AGTPBP1: variants seen among roughly 807,000 people sequenced by gnomAD.
AGTPBP1 encodes the protein cytosolic carboxypeptidase 1.
AGTPBP1 carries 70 observed loss-of-function variants against 143.9 expected under a neutral mutation model. The observed-to-expected ratio is 0.49, with a 90% confidence interval of 0.40 to 0.59. AGTPBP1 has a LOEUF of 0.59. Among genes scored for constraint, AGTPBP1 ranks in the 20% least tolerant of loss-of-function variants. The pLI, the probability that AGTPBP1 is intolerant of heterozygous loss-of-function variation, is 0.00. For missense variants in AGTPBP1, 1,229 were observed against 1,464.5 expected, an observed-to-expected ratio of 0.84 and a Z score of 2.62; for synonymous variants, 463 against 500.2, an observed-to-expected ratio of 0.93 and a Z score of 0.99.
intron 2 of AGTPBP1, among the ~76,000 whole-genome samples, chr9:85,711,874 C>T (rs1233336764): frequency 6.6e-6 from 1 of 152,114 alleles, no homozygotes; most frequent in Non-Finnish European, 1.5e-5. Flanking sequence ...ATTAGCATGG[C>T]TGTGTTCCAA....
chr9:85,643,036 T>C lies in AGTPBP1; in HGVS notation c.1186-93A>G, dbSNP rs567048984. On this transcript the variant is annotated intron_variant, in intron 12 of 25. Coordinates refer to ENST00000357081, the MANE Select transcript of AGTPBP1 (RefSeq NM_001330701.2). ...GATTTAAAATGTTCCAAGTTATTAA[T>C]TACATGTAATTAAAGAATAATTACT... is the stretch of plus-strand genomic sequence containing the variant. The C allele has an allele frequency of 1.8e-4, 134 of 760,228 alleles. 3 individuals are homozygous for C. The South Asian group carries it at 2.2e-3, about 12-fold the overall frequency. The allele number at this position is 760,228 out of a possible 1,614,324, so 47.1% of individuals were successfully genotyped here.
chr9:85,738,841 T>C (rs370672470), intron 1 of AGTPBP1, among the ~76,000 whole-genome samples: 2 of 152,036 alleles, frequency 1.3e-5, no homozygotes, highest in East Asian at 3.9e-4. Context: ...TCTGCACTAA[T>C]ACTGCTCCAT....
At chr9:85,691,850 A>G (rs982554878) in intron 3 of AGTPBP1, among the ~76,000 whole-genome samples, 1 of 152,152 alleles carries the variant, frequency 6.6e-6, no homozygotes, top group Non-Finnish European at 1.5e-5. Flanking sequence ...TACTATTACC[A>G]TCACAAAATA....
chr9:85,779,502 T>G, the AGTPBP1 span, among the ~76,000 whole-genome samples: 1 of 151,966 alleles, frequency 6.6e-6, no homozygotes, highest in Non-Finnish European at 1.5e-5. Flanking sequence ...TCTGCCTGCT[T>G]TATATTCACT....
At chr9:85,577,230 T>C (rs759579314) in intron 24 of AGTPBP1, among the ~76,000 whole-genome samples, 2 of 152,220 alleles carry the variant, frequency 1.3e-5, no homozygotes, top group Admixed American at 6.5e-5. Context: ...CGACAGCTTC[T>C]TTCCCCACTG....
chr9:85,755,329 A>G, the AGTPBP1 span, among the ~76,000 whole-genome samples: 1 of 152,232 alleles, frequency 6.6e-6, no homozygotes, highest in Non-Finnish European at 1.5e-5. Context: ...TTCCTTTTAA[A>G]CAGTCATATT....
In AGTPBP1 at chr9:85,669,474, C is replaced by T. The variant is rs373682312; in HGVS notation, c.662+11G>A. 35 of 1,566,398 alleles carry T rather than the reference C, an allele frequency of 2.2e-5. No homozygotes were observed. The African/African-American group carries it at 4.6e-4, about 21-fold the overall frequency. ...GCTATACCTATGTTTACATTCAAAA[C>T]ATTTACTCACTTTATAAGACTGGAA... On this transcript the variant is annotated intron_variant, in intron 8 of 25. Coordinates refer to ENST00000357081, the MANE Select transcript of AGTPBP1 (RefSeq NM_001330701.2).
intron 17 of AGTPBP1, 34 bp from the exon 18 acceptor site, chr9:85,596,483 T>G: frequency 1.5e-6 from 2 of 1,359,560 alleles, no homozygotes; most frequent in African/African-American, 1.5e-5. Flanking sequence ...AGAAAATTAT[T>G]TTCATAATTT....
chr9:85,685,954 T>C (rs1409682619), intron 3 of AGTPBP1, among the ~76,000 whole-genome samples: 1 of 151,414 alleles, frequency 6.6e-6, no homozygotes, highest in Non-Finnish European at 1.5e-5. Flanking sequence ...TTCTTAAAAA[T>C]GAAAAGAGGT....
chr9:85,555,945 T>C (rs892341206), intron 25 of AGTPBP1, among the ~76,000 whole-genome samples: 14 of 152,098 alleles, frequency 9.2e-5, no homozygotes, highest in Admixed American at 9.2e-4. Flanking sequence ...ATTTAAAATA[T>C]ATGGAGTTCA....
intron 14 of AGTPBP1, among the ~76,000 whole-genome samples, chr9:85,626,316 T>C (rs562295049): frequency 6.6e-6 from 1 of 152,302 alleles, no homozygotes; most frequent in Non-Finnish European, 1.5e-5. Flanking sequence ...ATAAGAAAAC[T>C]GTACAGTAGA....
chr9:85,728,076 CAT>C (rs60009784), intron 1 of AGTPBP1, among the ~76,000 whole-genome samples: 209 of 144,210 alleles, frequency 1.4e-3, no homozygotes, highest in South Asian at 4.0e-3. Flanking sequence ...CACACACACA[CAT>C]ATTTACTTCA....
At chr9:85,641,475 T>TA (rs1332551334) in intron 13 of AGTPBP1, among the ~76,000 whole-genome samples, 1 of 151,986 alleles carries the variant, frequency 6.6e-6, no homozygotes, top group Non-Finnish European at 1.5e-5. Flanking sequence ...TTTTGACAAA[T>TA]ACCTTCTCTT....
chr9:85,668,040 T>C (rs1834235444), intron 8 of AGTPBP1, among the ~76,000 whole-genome samples: 1 of 152,036 alleles, frequency 6.6e-6, no homozygotes, highest in African/African-American at 2.4e-5. Flanking sequence ...AGTGATCATA[T>C]TAAAGAATTT....
At chr9:85,712,751 T>C (rs1349149076) in intron 1 of AGTPBP1, among the ~76,000 whole-genome samples, 185 bp from the exon 2 acceptor site, 2 of 152,190 alleles carry the variant, frequency 1.3e-5, no homozygotes, top group Admixed American at 1.3e-4. Context: ...TGTATGACTA[T>C]AAAAATACCT....
chr9:85,725,587 T>C (rs183651952), intron 1 of AGTPBP1, among the ~76,000 whole-genome samples: 2 of 152,184 alleles, frequency 1.3e-5, no homozygotes, highest in East Asian at 3.9e-4. Context: ...GCTCTACAAG[T>C]GTAATGGAAA....
At chr9:85,735,410 A>G (rs1839179624) in intron 1 of AGTPBP1, among the ~76,000 whole-genome samples, 1 of 152,180 alleles carries the variant, frequency 6.6e-6, no homozygotes, top group Non-Finnish European at 1.5e-5. Flanking sequence ...TTTAATATAT[A>G]CAGAGTTTCA....
intron 17 of AGTPBP1, among the ~76,000 whole-genome samples, chr9:85,605,222 G>A (rs2133368705): frequency 6.6e-6 from 1 of 152,152 alleles, no homozygotes; most frequent in Non-Finnish European, 1.5e-5. Flanking sequence ...GATAAAGAAA[G>A]GATCCTAAAA....
chr9:85,697,376 T>C (rs564906012), intron 2 of AGTPBP1, among the ~76,000 whole-genome samples: 1 of 133,352 alleles, frequency 7.5e-6, no homozygotes, highest in South Asian at 2.5e-4. Context: ...TGTTATGCAG[T>C]GGGTTTATTA....
Sources: gnomAD v4.1 joint callset for allele counts (sites outside exome capture counted in the v4.1 genomes callset) on GRCh38, gnomAD v4.1.1 for gene constraint, MANE v1.5 for transcripts, NCBI Gene and HGNC (gene_info 2026-07-23, HGNC 2026-07-21) for gene names.